The following MS4A14 variants were observed in gnomAD, a reference collection of about 807,000 sequenced individuals.
The protein encoded by MS4A14 is membrane-spanning 4-domains subfamily A member 14.
Under a neutral mutation model 16.7 loss-of-function variants are expected in MS4A14, and 18 were observed. That is an observed-to-expected ratio of 1.08 (90% CI 0.75 to 1.60). MS4A14 has a LOEUF of 1.60. Among genes scored for constraint, MS4A14 ranks in the 40% most tolerant of loss-of-function variants. The pLI is 0.00. For missense variants in MS4A14, 812 were observed against 775.3 expected (o/e 1.05, Z -0.56); for synonymous variants, 305 against 289.4 (o/e 1.05, Z -0.55).
chr11:60,401,504 A>C lies in MS4A14; in HGVS notation c.318+1050A>C, dbSNP rs1359560223. On this transcript the variant is annotated intron_variant, in intron 3 of 4. Coordinates refer to ENST00000300187, the MANE Select transcript of MS4A14 (RefSeq NM_032597.5). The stretch of plus-strand genomic sequence containing the variant: ...AGCTATGCAGATGGAGGTGTGCAGG[A>C]ATGATGGAGGCAGGATGCTGAACCA... 6.6e-5 allele frequency among the ~76,000 whole-genome samples: 10 copies of C among 152,326 alleles called. No homozygotes were observed. In the East Asian group the frequency reaches 1.7e-3, roughly 26 times the overall value.
chr11:60,407,902 A>G (rs1052085806), intron 4 of MS4A14, among the ~76,000 whole-genome samples: 7 of 151,828 alleles, frequency 4.6e-5, no homozygotes, highest in Non-Finnish European at 1.0e-4. Flanking sequence ...ATGAAGTTCC[A>G]TTTATCATTT....
intron 4 of MS4A14, among the ~76,000 whole-genome samples, chr11:60,410,847 GTTT>G (rs1290951263): frequency 4.6e-5 from 7 of 150,926 alleles, no homozygotes; most frequent in Non-Finnish European, 7.4e-5. Flanking sequence ...TTTTTTGTTT[GTTT>G]TTTGTTTTTT....
At chr11:60,398,084 G>T (rs1216302258) in intron 2 of MS4A14, 104 bp downstream of exon 2, 2 of 1,274,542 alleles carry the variant, frequency 1.6e-6, no homozygotes, top group Non-Finnish European at 2.1e-6. Context: ...CCCTCCAGGA[G>T]ACCAAAAAAG....
intron 4 of MS4A14, among the ~76,000 whole-genome samples, chr11:60,411,928 A>C (rs1179754071): frequency 6.6e-6 from 1 of 152,052 alleles, no homozygotes; most frequent in African/African-American, 2.4e-5. Flanking sequence ...TTACATATTG[A>C]GGAATTTTCC....
intron 2 of MS4A14, among the ~76,000 whole-genome samples, chr11:60,399,048 G>A (rs574384709): frequency 2.6e-5 from 4 of 152,262 alleles, no homozygotes; most frequent in African/African-American, 7.2e-5. Context: ...CACATACCGC[G>A]TCTTCAATGG....
rs192784001 is a variant in MS4A14 at position 60,410,675 on chromosome 11, G to T, written c.469-4762G>T. 3.9e-3 allele frequency among the ~76,000 whole-genome samples: 596 copies of T among 152,170 alleles called. 3 individuals carry two copies. The highest frequency in any genetic ancestry group is 0.014 in the African/African-American group (567 of 41,516). ...CACATGTGGATGCCCAGTTATTCCA[G>T]CATCATATGTTGAAAAAATTCCTTT... On this transcript the variant is annotated intron_variant, in intron 4 of 4. Coordinates refer to ENST00000300187, the MANE Select transcript of MS4A14 (RefSeq NM_032597.5).
intron 3 of MS4A14, 61 bp from the exon 4 acceptor site, chr11:60,402,851 C>A (rs1198552171): frequency 2.6e-6 from 4 of 1,524,560 alleles, no homozygotes; most frequent in African/African-American, 2.8e-5. Flanking sequence ...AAATTTCTTA[C>A]AAGATATTTT....
At position 60,416,112 on chromosome 11, in the gene MS4A14, T is replaced by C. The variant is rs140428922; in HGVS notation, c.1144T>C (p.Ser382Pro). 2.4e-5 allele frequency: 39 copies of C among 1,609,246 alleles called. No homozygotes were observed. Among genetic ancestry groups the C allele is most frequent in the Non-Finnish European group, 3.1e-5 (37 of 1,177,734 alleles). ...TGACATGACATCCCAAGATATGCAA[T>C]CCCTAGATATGCTATCTCAAGACAC... Reference protein sequence around the residue: ...FHDMTSQDMQSLDMLSQDTPS... With the variant: ...FHDMTSQDMQPLDMLSQDTPS... Residue 382 changes from serine to proline, a missense_variant, in exon 5 of 5, where the codon TCC becomes CCC. Coordinates refer to ENST00000300187, the MANE Select transcript of MS4A14 (RefSeq NM_032597.5).
intron 4 of MS4A14, among the ~76,000 whole-genome samples, chr11:60,403,904 T>C (rs953849272): frequency 2.0e-5 from 3 of 152,232 alleles, no homozygotes; most frequent in African/African-American, 7.2e-5. Context: ...AGTTCCTGAA[T>C]ACAAGAGGTA....
Position 60,398,278 on chromosome 11 carries a change from A to G in MS4A14, c.267+298A>G, listed in dbSNP as rs568438829. The G allele has an allele frequency of 1.7e-3, 341 of 203,778 alleles. 1 individual carries two copies. The highest frequency in any genetic ancestry group is 7.1e-3 in the African/African-American group (308 of 43,194). 12.6% of individuals were successfully genotyped at this position (203,778 alleles called of 1,614,324 possible). On this transcript the variant is annotated intron_variant, in intron 2 of 4. Coordinates refer to ENST00000300187, the MANE Select transcript of MS4A14 (RefSeq NM_032597.5). ...CAAATATCCTACTTATTCCTTTGCA[A>G]ATAAGGAAACTGAGCTCAAAAGTAG...
rs374680041 is a variant in MS4A14, at chr11:60,411,657, T to G, written c.469-3780T>G. On this transcript the variant is annotated intron_variant, in intron 4 of 4. Coordinates refer to ENST00000300187, the MANE Select transcript of MS4A14 (RefSeq NM_032597.5). ...GCAATCCTGTATTAGGTCTAGTAGC[T>G]TTCCTGTGGATTTGGGAGGATTTTC... Among the ~76,000 whole-genome samples the G allele has an allele frequency of 4.6e-5, 7 of 152,316 alleles. No homozygotes were observed. The East Asian group carries it at 7.7e-4, about 17-fold the overall frequency.
chr11:60,404,646 C>G, intron 4 of MS4A14: 1 of 454,228 alleles, frequency 2.2e-6, no homozygotes, highest in Non-Finnish European at 4.4e-6. Flanking sequence ...TCAGCTTCTT[C>G]CGGCTTTGAA....
In MS4A14 at chr11:60,416,691, C is replaced by T; in HGVS notation, c.1723C>T (p.Gln575Ter). The change falls in exon 5 of 5, where the codon CAA (glutamine) becomes TAA (stop). Residue 575 changes from glutamine (Q) to a stop codon, truncating the protein, a stop_gained. Coordinates refer to ENST00000300187, the MANE Select transcript of MS4A14 (RefSeq NM_032597.5). LOFTEE classifies it low-confidence loss of function (END_TRUNC). ...TGAAGATCAGCAAGCCAAAGGGGAACAATACCCAGAAGGACAATCTAAAGA... is the reference window on the plus strand; with the variant it reads ...TGAAGATCAGCAAGCCAAAGGGGAATAATACCCAGAAGGACAATCTAAAGA... ...QAEDQQAKGE[Q>*]YPEGQSKDGQ... The T allele has an allele frequency of 6.2e-7, 1 of 1,613,800 alleles. No individual in the cohort carries two copies.
At chr11:60,407,734 T>A (rs1352754335) in intron 4 of MS4A14, among the ~76,000 whole-genome samples, 1 of 152,238 alleles carries the variant, frequency 6.6e-6, no homozygotes. Context: ...TCTTTTGAGA[T>A]GTCTGTTCAA....
chr11:60,400,580 A>C lies in MS4A14; in HGVS notation c.318+126A>C, dbSNP rs182272219. 32 of 559,944 alleles carry C rather than the reference A, an allele frequency of 5.7e-5. 1 individual carries two copies. Among genetic ancestry groups the C allele is most frequent in the South Asian group, 4.7e-4 (17 of 35,908 alleles). The allele number at this position is 559,944 out of a possible 1,614,324, so 34.7% of individuals were successfully genotyped here. A position where few individuals can be genotyped will look rare whatever the true frequency, so the allele number is the denominator to read the frequency against. On this transcript the variant is annotated intron_variant, in intron 3 of 4. Transcript: ENST00000300187. ...TGTATGCATCAAAGTTGCAGTTCAG[A>C]TCATTCCTATTTGCCAGTGCCACTG...
rs1271886089 is a variant in MS4A14, at chr11:60,417,279, C to T, written c.*271C>T. ...GGGGACATGAAATGTATAGGGCAAA[C>T]CTCAGGGGACCTGCAATCAGAAGAC... On this transcript the variant is annotated 3_prime_UTR_variant, in exon 5 of 5. Coordinates refer to ENST00000300187, the MANE Select transcript of MS4A14 (RefSeq NM_032597.5). 1.4e-5 allele frequency: 4 copies of T among 284,248 alleles called. No homozygotes were observed. The highest frequency in any genetic ancestry group is 2.6e-5 in the Non-Finnish European group (4 of 152,630). 17.6% of individuals were successfully genotyped at this position (284,248 alleles called of 1,614,324 possible).
intron 4 of MS4A14, 175 bp downstream of exon 4, chr11:60,403,236 G>A: frequency 1.5e-6 from 1 of 650,390 alleles, no homozygotes; most frequent in Non-Finnish European, 2.7e-6. Flanking sequence ...GATATTTTCT[G>A]GACTTGAATC....
intron 4 of MS4A14, among the ~76,000 whole-genome samples, chr11:60,408,092 A>G (rs1237133308): frequency 6.6e-6 from 1 of 152,192 alleles, no homozygotes; most frequent in South Asian, 2.1e-4. Flanking sequence ...GTTAATGCAC[A>G]TCCCCCCTCA....
chr11:60,411,066 G>A lies in MS4A14; in HGVS notation c.469-4371G>A, dbSNP rs553723729. Among the ~76,000 whole-genome samples, 17 of 152,066 alleles carry A rather than the reference G, an allele frequency of 1.1e-4. No homozygotes were observed. The South Asian group carries it at 1.2e-3, about 11-fold the overall frequency. On this transcript the variant is annotated intron_variant, in intron 4 of 4. Transcript: ENST00000300187. ...TCACCACATTGGCCAGGCTCATCTCGAGCTCCTGACCTCAGGTGATCCACC... is the reference window on the plus strand; with the variant it reads ...TCACCACATTGGCCAGGCTCATCTCAAGCTCCTGACCTCAGGTGATCCACC...
Sources: allele counts gnomAD v4.1 joint callset (sites outside exome capture counted in the v4.1 genomes callset), GRCh38; gene constraint gnomAD v4.1.1; transcripts MANE v1.5; gene names NCBI Gene and HGNC (gene_info 2026-07-23, HGNC 2026-07-21).